The following KCNMA1 variants were observed in gnomAD, a reference collection of about 807,000 sequenced individuals.
KCNMA1 encodes Calcium-activated potassium channel subunit alpha-1.
A neutral mutation model predicts 140.0 loss-of-function variants in KCNMA1; 29 were observed. That is an observed-to-expected ratio of 0.21 (90% CI 0.15 to 0.28). KCNMA1 has a LOEUF of 0.28. Ranked by LOEUF, KCNMA1 falls within the 10% of genes least tolerant of loss-of-function variation. The pLI is 1.00. For missense variants in KCNMA1, 880 were observed against 1,602.2 expected, an observed-to-expected ratio of 0.55 and a Z score of 7.70; for synonymous variants, 612 against 611.9, an observed-to-expected ratio of 1.00 and a Z score of 0.00.
At chr10:77,501,547 C>G (rs2043881968) in intron 1 of KCNMA1, among the ~76,000 whole-genome samples, 1 of 152,216 alleles carries the variant, frequency 6.6e-6, no homozygotes, top group Admixed American at 6.5e-5. Flanking sequence ...ACTCATGGAG[C>G]TTGTCATCTC....
intron 1 of KCNMA1, among the ~76,000 whole-genome samples, chr10:77,621,074 T>C (rs1254864080): frequency 6.6e-6 from 1 of 152,190 alleles, no homozygotes; most frequent in Non-Finnish European, 1.5e-5. Context: ...TGCACGGGGT[T>C]TGGCAGGCAC....
chr10:77,127,997 T>TA lies in KCNMA1; in HGVS notation c.809-6950dup, dbSNP rs974592811. ...TCAAAAAAATTAAAAATTTAAAAAT[T>TA]AAAAAAAAAATCCTAATTTGATAGA... On this transcript the variant is annotated intron_variant, in intron 5 of 27. Coordinates refer to ENST00000286628, the MANE Select transcript of KCNMA1 (RefSeq NM_001161352.2). 4.5e-3 allele frequency among the ~76,000 whole-genome samples: 681 copies of TA among 149,920 alleles called. 4 individuals are homozygous for TA. The highest frequency in any genetic ancestry group is 0.014 in the African/African-American group (563 of 40,926).
At chr10:77,147,368 A>G (rs2098324523) in intron 5 of KCNMA1, among the ~76,000 whole-genome samples, 1 of 152,140 alleles carries the variant, frequency 6.6e-6, no homozygotes, top group South Asian at 2.1e-4. Flanking sequence ...TGGTTTGACT[A>G]TTCCAAAGAA....
At position 77,509,961 on chromosome 10, in the gene KCNMA1, G is replaced by A. The variant is rs114976763; in HGVS notation, c.379-105938C>T. Among the ~76,000 whole-genome samples the A allele has an allele frequency of 2.4e-3, 363 of 151,992 alleles. 4 individuals carry two copies. Among genetic ancestry groups the A allele is most frequent in the African/African-American group, 6.0e-3 (249 of 41,464 alleles). ...AGTGCAAGACCCTACAACCTTATGG[G>A]GCTGATATCATAACCCAATTAGCAC... On this transcript the variant is annotated intron_variant, in intron 1 of 27. Transcript: ENST00000286628.
At chr10:77,441,293 A>G (rs2097394014) in intron 1 of KCNMA1, among the ~76,000 whole-genome samples, 1 of 152,096 alleles carries the variant, frequency 6.6e-6, no homozygotes, top group South Asian at 2.1e-4. Flanking sequence ...GAGCATCATG[A>G]CCCAAATGTC....
chr10:77,521,935 G>A (rs1266994082), intron 1 of KCNMA1, among the ~76,000 whole-genome samples: 1 of 152,132 alleles, frequency 6.6e-6, no homozygotes, highest in Admixed American at 6.5e-5. Flanking sequence ...CAGCACTTTG[G>A]GAGGTCGAGG....
chr10:77,600,785 G>A (rs572402453), intron 1 of KCNMA1, among the ~76,000 whole-genome samples: 25 of 151,578 alleles, frequency 1.6e-4, no homozygotes, highest in East Asian at 5.8e-4. Flanking sequence ...ACACATATGC[G>A]CACATGCACA....
At chr10:77,516,384 C>T (rs1208266619) in intron 1 of KCNMA1, among the ~76,000 whole-genome samples, 1 of 152,174 alleles carries the variant, frequency 6.6e-6, no homozygotes, top group Non-Finnish European at 1.5e-5. Flanking sequence ...TGTGCTTGTG[C>T]ACTTATGGCC....
downstream of KCNMA1, chr10:76,873,755 C>T (rs1041545052): frequency 1.3e-5 from 2 of 152,186 alleles, no homozygotes; most frequent in African/African-American, 4.8e-5. Context: ...ACCTTTATTC[C>T]TCAATTTCTT....
At chr10:77,520,069 G>GTGCAGTGTGAGGTC (rs2052473721) in intron 1 of KCNMA1, among the ~76,000 whole-genome samples, 1 of 110,580 alleles carries the variant, frequency 9.0e-6, no homozygotes, top group South Asian at 3.0e-4. Context: ...GTGTGAGGGT[G>GTGCAGTGTGAGGTC]TGCAGTGTGA....
chr10:77,559,757 G>C (rs974901399), intron 1 of KCNMA1, among the ~76,000 whole-genome samples: 1 of 152,284 alleles, frequency 6.6e-6, no homozygotes. Context: ...TAATATGCTA[G>C]ACATTTCAGC....
intron 2 of KCNMA1, among the ~76,000 whole-genome samples, chr10:77,351,882 C>T (rs958281412): frequency 2.6e-5 from 4 of 152,196 alleles, no homozygotes; most frequent in African/African-American, 7.2e-5. Context: ...CTAGTGCATG[C>T]TTTTTGAAGC....
intron 3 of KCNMA1, among the ~76,000 whole-genome samples, chr10:77,240,161 T>A (rs2056888787): frequency 1.3e-5 from 2 of 152,224 alleles, no homozygotes; most frequent in South Asian, 4.1e-4. Context: ...CTGGAAAATA[T>A]GCCCTGTGAC....
chr10:77,043,762 T>C (rs1475898072), intron 14 of KCNMA1, among the ~76,000 whole-genome samples: 2 of 152,224 alleles, frequency 1.3e-5, no homozygotes, highest in Non-Finnish European at 2.9e-5. Flanking sequence ...CGTGTTATGA[T>C]TCCACTTATA....
At position 77,039,626 on chromosome 10, in the gene KCNMA1, G is replaced by A. The variant is rs1459297552; in HGVS notation, c.1761C>T (p.Asp587=). 1 of 1,601,210 alleles carries A rather than the reference G, an allele frequency of 6.2e-7. No individual in the cohort carries two copies. Residue 587 remains aspartate (D), a synonymous_variant, in exon 15 of 28, where the codon GAC becomes GAT. Transcript: ENST00000286628. The part of the protein sequence containing the change: ...SMRSFIKIEE[D]TWQKYYLEGV... ...CTTCCAAGTAGTATTTCTGCCATGT[G>A]TCTTCCTCAATCTAAAGGAAAGGAA...
intron 1 of KCNMA1, among the ~76,000 whole-genome samples, chr10:77,430,706 C>A (rs1362174838): frequency 6.6e-6 from 1 of 152,124 alleles, no homozygotes; most frequent in Non-Finnish European, 1.5e-5. Flanking sequence ...TGCAAGGAGG[C>A]GCCATCCACT....
At chr10:77,390,112 T>C (rs78187426) in intron 2 of KCNMA1, among the ~76,000 whole-genome samples, 1 of 152,114 alleles carries the variant, frequency 6.6e-6, no homozygotes, top group Middle Eastern at 3.2e-3. Context: ...TAAGAAAACA[T>C]AAAGATATTT....
Position 76,909,950 on chromosome 10 carries a change from G to C in KCNMA1, c.3147+16C>G, listed in dbSNP as rs1590244919. 6.2e-7 allele frequency: 1 copy of C among 1,612,328 alleles called. No individual in the cohort carries two copies. Among genetic ancestry groups the C allele is most frequent in the Non-Finnish European group, 8.5e-7 (1 of 1,179,636 alleles). On this transcript the variant is annotated intron_variant, in intron 25 of 27. Coordinates refer to ENST00000286628, the MANE Select transcript of KCNMA1 (RefSeq NM_001161352.2). ...CCTCCACCCTTGAGTGAGGAGGAGG[G>C]AACAGGATAACTCACCGCGCTCATG...
intron 19 of KCNMA1, among the ~76,000 whole-genome samples, chr10:76,993,673 C>G (rs2083400585): frequency 6.6e-6 from 1 of 152,212 alleles, no homozygotes; most frequent in South Asian, 2.1e-4. Context: ...CCCTTCCTCC[C>G]CTGCAGCCAC....
Sources: allele counts gnomAD v4.1 joint callset (sites outside exome capture counted in the v4.1 genomes callset), GRCh38; gene constraint gnomAD v4.1.1; transcripts MANE v1.5; gene names NCBI Gene and HGNC (gene_info 2026-07-23, HGNC 2026-07-21).